LUC7L: variants seen among roughly 807,000 people sequenced by gnomAD.
LUC7L encodes LUC7 like.
Under a neutral mutation model 51.1 loss-of-function variants are expected in LUC7L, and 29 were observed. That is an observed-to-expected ratio of 0.57 (90% confidence interval 0.42 to 0.77). The LOEUF is 0.77. Among genes scored for constraint, LUC7L ranks in the 30% least tolerant of loss-of-function variants. The pLI is 0.00. For missense variants in LUC7L, 403 were observed against 511.9 expected (o/e 0.79, Z 2.05); for synonymous variants, 181 against 180.7 (o/e 1.00, Z -0.01).
At chr16:210,154 G>C (rs533262862) in intron 3 of LUC7L, among the ~76,000 whole-genome samples, 8 of 152,300 alleles carry the variant, frequency 5.3e-5, no homozygotes, top group Admixed American at 2.6e-4. Context: ...ACGAGTGGTG[G>C]TGCATGCCTG....
chr16:210,765 A>G (rs1325004609), intron 3 of LUC7L, among the ~76,000 whole-genome samples: 1 of 152,068 alleles, frequency 6.6e-6, no homozygotes, highest in African/African-American at 2.4e-5. Flanking sequence ...TAAAAACTAA[A>G]TGGTGGCCGG....
intron 6 of LUC7L, among the ~76,000 whole-genome samples, chr16:196,935 T>C (rs1415361987): frequency 7.2e-6 from 1 of 139,620 alleles, no homozygotes; most frequent in Non-Finnish European, 1.5e-5. Flanking sequence ...TGAGACAGAG[T>C]CTCGCTCTGT....
chr16:212,307 G>A (rs544150176), intron 3 of LUC7L, among the ~76,000 whole-genome samples: 46 of 152,104 alleles, frequency 3.0e-4, no homozygotes, highest in African/African-American at 9.2e-4. Flanking sequence ...AAACACAGCC[G>A]CAGAGGAGCT....
At chr16:210,540 T>C (rs919164259) in intron 3 of LUC7L, among the ~76,000 whole-genome samples, 12 of 152,098 alleles carry the variant, frequency 7.9e-5, no homozygotes, top group Admixed American at 2.6e-4. Flanking sequence ...AACAGACCAG[T>C]CTGAGATGCT....
chr16:214,834 T>C (rs989030027), intron 3 of LUC7L, among the ~76,000 whole-genome samples: 4 of 152,148 alleles, frequency 2.6e-5, no homozygotes, highest in African/African-American at 9.7e-5. Flanking sequence ...CCCACAAACA[T>C]CTTTACTATA....
intron 1 of LUC7L, chr16:227,793 T>C: frequency 1.0e-6 from 1 of 999,032 alleles, no homozygotes; most frequent in Non-Finnish European, 1.2e-6. Context: ...CAAAATTGAA[T>C]GAAGAAGAAA....
chr16:204,009 C>T (rs1381330188), intron 5 of LUC7L, among the ~76,000 whole-genome samples: 1 of 151,948 alleles, frequency 6.6e-6, no homozygotes, highest in Non-Finnish European at 1.5e-5. Context: ...GAATGAGACT[C>T]CATCTCAAAA....
chr16:228,299 T>C (rs1456432154), intron 1 of LUC7L: 3 of 1,303,254 alleles, frequency 2.3e-6, no homozygotes, highest in Admixed American at 4.6e-5. Context: ...AACACTTTTT[T>C]GTTATAACAG....
intron 3 of LUC7L, among the ~76,000 whole-genome samples, chr16:213,229 A>C (rs1406463482): frequency 2.6e-5 from 4 of 152,186 alleles, no homozygotes; most frequent in African/African-American, 9.6e-5. Context: ...TTTTGTGGTC[A>C]GGCTGAGGCT....
chr16:218,541 C>G (rs767656967), intron 3 of LUC7L, among the ~76,000 whole-genome samples: 1 of 151,850 alleles, frequency 6.6e-6, no homozygotes, highest in Non-Finnish European at 1.5e-5. Flanking sequence ...GCCAACATGG[C>G]GAAACCACAT....
chr16:200,040 C>A (rs904774976), intron 5 of LUC7L, among the ~76,000 whole-genome samples: 1 of 152,116 alleles, frequency 6.6e-6, no homozygotes, highest in Non-Finnish European at 1.5e-5. Context: ...CCTGTAATCC[C>A]AGCATTCCGA....
intron 3 of LUC7L, among the ~76,000 whole-genome samples, chr16:216,452 G>A (rs867530542): frequency 4.1e-5 from 6 of 144,872 alleles, no homozygotes; most frequent in African/African-American, 1.3e-4. Context: ...GCACAATGTC[G>A]GCTCATTGAA....
chr16:213,282 T>C (rs2049696455), intron 3 of LUC7L, among the ~76,000 whole-genome samples: 2 of 152,066 alleles, frequency 1.3e-5, no homozygotes, highest in South Asian at 2.1e-4. Flanking sequence ...AGGGAGGGTA[T>C]CTTCTCCCAG....
At chr16:225,487 T>C (rs1476068560) in intron 2 of LUC7L, among the ~76,000 whole-genome samples, 1 of 33,438 alleles carries the variant, frequency 3.0e-5, no homozygotes, top group East Asian at 5.0e-4. Flanking sequence ...ACTCCGTCTC[T>C]TTTTTTTTTT....
chr16:216,718 G>T (rs2049812337), intron 3 of LUC7L, among the ~76,000 whole-genome samples: 1 of 152,138 alleles, frequency 6.6e-6, no homozygotes, highest in Admixed American at 6.6e-5. Flanking sequence ...GGTCAAAAAT[G>T]ACTTTTAGGG....
At chr16:189,705 C>G in intron 9 of LUC7L, 1 of 1,356,964 alleles carries the variant, frequency 7.4e-7, no homozygotes, top group South Asian at 2.1e-5. Flanking sequence ...GTCTCAGCCA[C>G]TCTGAGCATG....
chr16:225,131 G>C (rs2050093994), intron 2 of LUC7L, among the ~76,000 whole-genome samples: 1 of 152,172 alleles, frequency 6.6e-6, no homozygotes, highest in Admixed American at 6.5e-5. Context: ...GTTCTCTTCT[G>C]TACCTTCTAC....
intron 1 of LUC7L, chr16:227,916 A>C: frequency 1.0e-6 from 1 of 1,004,694 alleles, no homozygotes; most frequent in Non-Finnish European, 1.2e-6. Flanking sequence ...TTTTAACAAG[A>C]CAATACCAAA....
At chr16:228,488 C>T in intron 1 of LUC7L, 2 of 1,240,428 alleles carry the variant, frequency 1.6e-6, no homozygotes, top group South Asian at 1.4e-5. Flanking sequence ...ACTCAATATA[C>T]AAAGAAAGCT....
Sources: allele counts gnomAD v4.1 joint callset (sites outside exome capture counted in the v4.1 genomes callset), GRCh38; gene constraint gnomAD v4.1.1; transcripts MANE v1.5; gene names NCBI Gene and HGNC (gene_info 2026-07-23, HGNC 2026-07-21).